The following ITGBL1 variants were observed in gnomAD, a reference collection of about 807,000 sequenced individuals.
The protein encoded by ITGBL1 is integrin subunit beta like 1.
A neutral mutation model predicts 68.5 loss-of-function variants in ITGBL1; 51 were observed. The observed-to-expected ratio is 0.74, with a 90% confidence interval of 0.59 to 0.94. The LOEUF (loss-of-function observed/expected upper bound fraction) is 0.94. Among genes scored for constraint, ITGBL1 ranks in the 40% least tolerant of loss-of-function variants. The pLI is 0.00. For missense variants in ITGBL1, 649 were observed against 647.4 expected (o/e 1.00, Z -0.03); for synonymous variants, 209 against 227.3 (o/e 0.92, Z 0.72).
At chr13:101,671,482 G>A (rs1245988277) in intron 7 of ITGBL1, among the ~76,000 whole-genome samples, 10 of 117,724 alleles carry the variant, frequency 8.5e-5, no homozygotes, top group African/African-American at 2.1e-4. Flanking sequence ...TCTGTCGCCC[G>A]GGCTGGAGTG....
chr13:101,481,617 G>A (rs183069343), intron 2 of ITGBL1, among the ~76,000 whole-genome samples: 10 of 152,108 alleles, frequency 6.6e-5, no homozygotes, highest in African/African-American at 2.4e-4. Flanking sequence ...TTAAAACCCT[G>A]AATATCTGGA....
At chr13:101,683,604 C>G (rs2033691590) in intron 7 of ITGBL1, among the ~76,000 whole-genome samples, 2 of 151,862 alleles carry the variant, frequency 1.3e-5, no homozygotes, top group African/African-American at 4.8e-5. Flanking sequence ...AATTAAATTG[C>G]TGATTCTTAG....
At chr13:101,604,638 T>A (rs2030580628) in intron 7 of ITGBL1, among the ~76,000 whole-genome samples, 1 of 151,128 alleles carries the variant, frequency 6.6e-6, no homozygotes. Flanking sequence ...TGGTACTGGA[T>A]GTTTTGAAGC....
rs2031153096 is a variant in ITGBL1 at position 101,612,037 on chromosome 13, AT to A, written c.1015+13739del. Among the ~76,000 whole-genome samples, 3 of 152,196 alleles carry A rather than the reference AT, an allele frequency of 2.0e-5. No individual in the cohort carries two copies. In the South Asian group the frequency reaches 6.2e-4, roughly 32 times the overall value. On this transcript the variant is annotated intron_variant, in intron 7 of 10. Coordinates refer to ENST00000376180, the MANE Select transcript of ITGBL1 (RefSeq NM_004791.3). Reference sequence around the variant, plus strand: ...CAGTTATGGCATTCTTTCCTTTGGAATATAACAATTTAAGATGGATGAGATT... The same window carrying A: ...CAGTTATGGCATTCTTTCCTTTGGAAATAACAATTTAAGATGGATGAGATT...
At chr13:101,453,813 A>C in intron 1 of ITGBL1, 70 bp from the exon 2 acceptor site, 1 of 1,051,620 alleles carries the variant, frequency 9.5e-7, no homozygotes, top group Non-Finnish European at 1.2e-6. Context: ...CTGGGGAGGA[A>C]ACGTGGGTTC....
chr13:101,607,379 C>T (rs887698807), intron 7 of ITGBL1, among the ~76,000 whole-genome samples: 1 of 152,034 alleles, frequency 6.6e-6, no homozygotes, highest in African/African-American at 2.4e-5. Flanking sequence ...ATTTATTGGA[C>T]AATATATATT....
Position 101,598,264 on chromosome 13 carries a change from G to A in ITGBL1, c.980G>A (p.Cys327Tyr). 1 of 1,613,286 alleles carries A rather than the reference G, an allele frequency of 6.2e-7. No homozygotes were observed. Among genetic ancestry groups the A allele is most frequent in the Non-Finnish European group, 8.5e-7 (1 of 1,179,714 alleles). The stretch of plus-strand genomic sequence containing the variant: ...TCAGCTGAGGAGAGCATCAGGAAGT[G>A]CCAGGGAAGCTCGGATCTGCCTTGC... ...TLSAEESIRK[C>Y]QGSSDLPCSG... The change falls in exon 7 of 11, where the codon TGC becomes TAC. Residue 327 changes from cysteine (C) to tyrosine (Y), a missense_variant. Physicochemically the swap from Cys to Tyr is radical, Grantham distance 194. Transcript: ENST00000376180.
intron 2 of ITGBL1, among the ~76,000 whole-genome samples, chr13:101,490,280 C>G (rs1049787511): frequency 2.0e-5 from 3 of 152,194 alleles, no homozygotes; most frequent in African/African-American, 7.2e-5. Flanking sequence ...AGAGAGCCCT[C>G]ACCAAGAACT....
intron 7 of ITGBL1, among the ~76,000 whole-genome samples, chr13:101,625,539 C>G (rs2031740474): frequency 7.0e-6 from 1 of 142,762 alleles, no homozygotes; most frequent in Admixed American, 7.2e-5. Flanking sequence ...TATTTTATTT[C>G]TAATAATAGT....
chr13:101,651,749 T>G lies in ITGBL1; in HGVS notation c.1016-40836T>G, dbSNP rs1414221202. The stretch of plus-strand genomic sequence containing the variant: ...TTTCATCATGAAATTTTTGCCCGGG[T>G]CTATGTCCTAAATGGTATTACCTAG... On this transcript the variant is annotated intron_variant, in intron 7 of 10. Transcript: ENST00000376180. 6.2e-5 allele frequency among the ~76,000 whole-genome samples: 9 copies of G among 146,006 alleles called. No individual in the cohort carries two copies. The East Asian group carries it at 1.7e-3, about 27-fold the overall frequency.
At chr13:101,470,232 T>C (rs1259008120) in intron 2 of ITGBL1, among the ~76,000 whole-genome samples, 2 of 152,220 alleles carry the variant, frequency 1.3e-5, no homozygotes, top group African/African-American at 4.8e-5. Flanking sequence ...TCCTTGAGGA[T>C]TTAAGAACTT....
intron 2 of ITGBL1, among the ~76,000 whole-genome samples, chr13:101,468,361 T>C (rs1489213190): frequency 6.6e-6 from 1 of 152,186 alleles, no homozygotes; most frequent in Non-Finnish European, 1.5e-5. Context: ...TACAAATGAG[T>C]AAGAGTAGTA....
intron 2 of ITGBL1, among the ~76,000 whole-genome samples, chr13:101,542,663 A>G (rs1442863553): frequency 6.6e-6 from 1 of 151,986 alleles, no homozygotes; most frequent in African/African-American, 2.4e-5. Flanking sequence ...GGGTATTAAA[A>G]TCTCCCATTA....
chr13:101,621,641 C>T (rs941488760), intron 7 of ITGBL1, among the ~76,000 whole-genome samples: 1 of 152,112 alleles, frequency 6.6e-6, no homozygotes, highest in African/African-American at 2.4e-5. Flanking sequence ...TTGTCCATCT[C>T]TTCTGAAGAC....
chr13:101,641,344 T>G (rs1378285915), intron 7 of ITGBL1, among the ~76,000 whole-genome samples: 1 of 152,062 alleles, frequency 6.6e-6, no homozygotes, highest in Non-Finnish European at 1.5e-5. Context: ...AAACATATAT[T>G]TCTTTTTATT....
chr13:101,547,083 A>G (rs2049838703), intron 2 of ITGBL1, among the ~76,000 whole-genome samples: 1 of 151,462 alleles, frequency 6.6e-6, no homozygotes, highest in African/African-American at 2.4e-5. Context: ...GCAGACCACC[A>G]AGATTACAAA....
At chr13:101,537,208 A>G (rs1594873811) in intron 2 of ITGBL1, among the ~76,000 whole-genome samples, 1 of 152,030 alleles carries the variant, frequency 6.6e-6, no homozygotes, top group African/African-American at 2.4e-5. Flanking sequence ...CACAAATATT[A>G]TATCAGCTCT....
At chr13:101,699,308 G>C (rs1001552089) in intron 8 of ITGBL1, among the ~76,000 whole-genome samples, 2 of 152,202 alleles carry the variant, frequency 1.3e-5, no homozygotes, top group African/African-American at 4.8e-5. Context: ...GAGCACCACA[G>C]TGTCCCTGAA....
chr13:101,677,114 A>G (rs924176644), intron 7 of ITGBL1, among the ~76,000 whole-genome samples: 8 of 152,100 alleles, frequency 5.3e-5, no homozygotes, highest in African/African-American at 1.9e-4. Context: ...ACAGAGCGAG[A>G]CTCTCTTTCT....
Sources: allele counts gnomAD v4.1 joint callset (sites outside exome capture counted in the v4.1 genomes callset), GRCh38; gene constraint gnomAD v4.1.1; transcripts MANE v1.5; gene names NCBI Gene and HGNC (gene_info 2026-07-23, HGNC 2026-07-21).